Variants in DDB1 observed in about 807,000 individuals in gnomAD.
DDB1 encodes damage specific DNA binding protein 1.
A neutral mutation model predicts 133.1 loss-of-function variants in DDB1; 18 were observed. The ratio of observed to expected loss-of-function variants is 0.14; its 90% CI spans 0.09 to 0.20. DDB1 has a LOEUF of 0.20. Ranked by LOEUF, DDB1 falls within the 10% of genes least tolerant of loss-of-function variation. DDB1 has a pLI of 1.00. For missense variants in DDB1, 828 were observed against 1,459.2 expected, an observed-to-expected ratio of 0.57 and a Z score of 7.05; for synonymous variants, 580 against 550.5, an observed-to-expected ratio of 1.05 and a Z score of -0.75.
chr11:61,313,580 T>C lies in DDB1; in HGVS notation c.1988A>G (p.Asn663Ser), dbSNP rs2134911215. 1 of 1,614,142 alleles carries C rather than the reference T, an allele frequency of 6.2e-7. No individual in the cohort carries two copies. Among genetic ancestry groups the C allele is most frequent in the Non-Finnish European group, 8.5e-7 (1 of 1,180,026 alleles). The part of the protein sequence containing the change: ...SDRPTVIYSS[N>S]HKLVFSNVNL... Reference sequence around the variant, plus strand: ...GACATTTGAGAAGACCAATTTGTGGTTGCTGCTATAGATGACAGTGGGGCG... The same window carrying C: ...GACATTTGAGAAGACCAATTTGTGGCTGCTGCTATAGATGACAGTGGGGCG... Residue 663 changes from asparagine (N) to serine (S), a missense_variant, in exon 16 of 27, where the codon AAC (asparagine) becomes AGC (serine). By Grantham distance (46) the Asn-to-Ser change is conservative. Around this residue, in one of 7 missense-constraint regions of DDB1, gnomAD observed 396 missense variants for 554.1 expected, o/e 0.71. Transcript: ENST00000301764.
At chr11:61,309,732 C>T (rs955922970) in intron 20 of DDB1, 64 bp downstream of exon 20, 137 of 1,562,364 alleles carry the variant, frequency 8.8e-5, no homozygotes, top group Middle Eastern at 2.3e-4. Flanking sequence ...TGAAACCTCA[C>T]AATGGCCTGC....
chr11:61,321,201 T>TA (rs1347206019), intron 10 of DDB1: 1 of 155,488 alleles, frequency 6.4e-6, no homozygotes, highest in Non-Finnish European at 1.4e-5. Flanking sequence ...ATCTTTTTTT[T>TA]ATTAAAATTC....
intron 10 of DDB1, among the ~76,000 whole-genome samples, chr11:61,318,507 T>C (rs959245947): frequency 2.0e-5 from 3 of 152,194 alleles, no homozygotes; most frequent in African/African-American, 7.2e-5. Context: ...TTAATGTGCA[T>C]TTCTCAGGAC....
intron 16 of DDB1, among the ~76,000 whole-genome samples, chr11:61,312,977 T>C (rs1450365932): frequency 6.6e-6 from 1 of 152,146 alleles, no homozygotes; most frequent in Non-Finnish European, 1.5e-5. Flanking sequence ...CATACCTGGC[T>C]AATTTTTGTA....
At chr11:61,302,096 G>A in intron 25 of DDB1, 161 bp downstream of exon 25, 3 of 622,002 alleles carry the variant, frequency 4.8e-6, no homozygotes, top group Non-Finnish European at 8.5e-6. Flanking sequence ...GTGTATGTTT[G>A]AAATTTTCCA....
chr11:61,309,270 T>C (rs898519539), intron 20 of DDB1, among the ~76,000 whole-genome samples, 193 bp from the exon 21 acceptor site: 2 of 152,044 alleles, frequency 1.3e-5, no homozygotes, highest in African/African-American at 2.4e-5. Flanking sequence ...TGCAGAGAAA[T>C]CCAGTTGGTA....
intron 5 of DDB1, chr11:61,326,325 G>GTTT: frequency 1.5e-5 from 3 of 205,952 alleles, no homozygotes; most frequent in South Asian, 1.3e-4. Context: ...TTTTGTTGTT[G>GTTT]TTTTTTTTTT....
At chr11:61,326,411 C>T (rs1322711763) in intron 5 of DDB1, among the ~76,000 whole-genome samples, 1 of 152,044 alleles carries the variant, frequency 6.6e-6, no homozygotes, top group African/African-American at 2.4e-5. Flanking sequence ...CCACCTCAGC[C>T]TCTTGAGTAG....
At chr11:61,318,746 T>C (rs74835816) in intron 10 of DDB1, among the ~76,000 whole-genome samples, 4,591 of 152,334 alleles carry the variant, frequency 0.03, 89 homozygotes, top group Non-Finnish European at 0.046. Flanking sequence ...TCTTTCTTTT[T>C]GGCTTCTGTA....
At chr11:61,306,340 AG>A (rs781293962) in intron 21 of DDB1, among the ~76,000 whole-genome samples, 1 of 152,130 alleles carries the variant, frequency 6.6e-6, no homozygotes, top group Non-Finnish European at 1.5e-5. Flanking sequence ...GAGGTAGCAC[AG>A]TCTCCCAAGC....
chr11:61,300,076 G>A lies in DDB1; in HGVS notation c.*60C>T. 2 of 1,551,270 alleles carry A rather than the reference G, an allele frequency of 1.3e-6. No homozygotes were observed. Among genetic ancestry groups the A allele is most frequent in the South Asian group, 1.1e-5 (1 of 89,636 alleles). The stretch of plus-strand genomic sequence containing the variant: ...CCAAGAAGACGATGGTGGAGAGGAG[G>A]GGGAGGGCAGCAGGGCAAAGCCTTT... On this transcript the variant is annotated 3_prime_UTR_variant, in exon 27 of 27. Coordinates refer to ENST00000301764, the MANE Select transcript of DDB1 (RefSeq NM_001923.5).
rs775572938 is a variant in DDB1 at position 61,309,819 on chromosome 11, A to G, written c.2543T>C (p.Ile848Thr). 5.6e-6 allele frequency: 9 copies of G among 1,613,824 alleles called. No homozygotes were observed. The East Asian group carries it at 6.7e-5, about 12-fold the overall frequency. ...ACCATCCGAATACTGAAAGACCACA[A>G]TGCGACCCTGCTTGGGCTCTGCCTC... ...PEEAEPKQGR[I>T]VVFQYSDGKL... is the part of the protein sequence containing the mutation. Residue 848 changes from isoleucine to threonine, a missense_variant, in exon 20 of 27, where the codon ATT (isoleucine) becomes ACT (threonine). Physicochemically the swap from Ile to Thr is moderately conservative, Grantham distance 89. Around this residue, in one of 7 missense-constraint regions of DDB1, gnomAD observed 396 missense variants for 554.1 expected, o/e 0.71. Transcript: ENST00000301764.
chr11:61,313,164 G>A (rs1856007377), intron 16 of DDB1, among the ~76,000 whole-genome samples: 2 of 152,158 alleles, frequency 1.3e-5, no homozygotes, highest in South Asian at 4.1e-4. Flanking sequence ...GCTGCTGGTT[G>A]GGGACACCCT....
chr11:61,326,236 C>G (rs1255139807), intron 5 of DDB1: 1 of 229,610 alleles, frequency 4.4e-6, no homozygotes, highest in African/African-American at 2.4e-5. Flanking sequence ...CATGGACAGG[C>G]ATGGGCAGGT....
chr11:61,310,831 A>G (rs865778898), intron 18 of DDB1: 1 of 156,772 alleles, frequency 6.4e-6, no homozygotes, highest in African/African-American at 2.4e-5. Context: ...CAGAGAATAC[A>G]TGGAAGAAAA....
intron 18 of DDB1, 63 bp downstream of exon 18, chr11:61,311,721 G>T: frequency 6.9e-7 from 1 of 1,443,368 alleles, no homozygotes; most frequent in Non-Finnish European, 9.5e-7. Flanking sequence ...TCACTACCTG[G>T]CCTGTACAGA....
At chr11:61,310,558 G>A in intron 18 of DDB1, 140 bp from the exon 19 acceptor site, 1 of 965,694 alleles carries the variant, frequency 1.0e-6, no homozygotes, top group Non-Finnish European at 1.5e-6. Context: ...CAAGGAGCCT[G>A]AGGAGAGTGT....
In DDB1 at chr11:61,309,833, G is replaced by A; in HGVS notation, c.2529C>T (p.Pro843=). ...TAMVYPEEAE[P]KQGRIVVFQY... is the part of the protein sequence containing the mutation. Reference sequence around the variant, plus strand: ...GAAAGACCACAATGCGACCCTGCTTGGGCTCTGCCTCTTCAGGATACACCA... The same window carrying A: ...GAAAGACCACAATGCGACCCTGCTTAGGCTCTGCCTCTTCAGGATACACCA... The change falls in exon 20 of 27, where the codon CCC becomes CCT. Residue 843 remains proline, a synonymous_variant. Coordinates refer to ENST00000301764, the MANE Select transcript of DDB1 (RefSeq NM_001923.5). The A allele has an allele frequency of 2.5e-6, 4 of 1,614,132 alleles. No homozygotes were observed. The highest frequency in any genetic ancestry group is 3.4e-6 in the Non-Finnish European group (4 of 1,180,030).
chr11:61,317,694 G>C (rs983619055), intron 10 of DDB1, among the ~76,000 whole-genome samples: 3 of 151,756 alleles, frequency 2.0e-5, no homozygotes, highest in Non-Finnish European at 4.4e-5. Flanking sequence ...TTTTAGTAGA[G>C]ACAGGATTTC....
Sources: gnomAD v4.1 joint callset for allele counts (sites outside exome capture counted in the v4.1 genomes callset) on GRCh38, gnomAD v4.1.1 for gene constraint, gnomAD v4.1.1 regional missense constraint, MANE v1.5 for transcripts, NCBI Gene and HGNC (gene_info 2026-07-23, HGNC 2026-07-21) for gene names.